DCUN1D3: variants seen among roughly 807,000 people sequenced by gnomAD.
DCUN1D3 encodes the protein defective in cullin neddylation 1 domain containing 3, also known as DCN1-like protein 3.
A neutral mutation model predicts 24.8 loss-of-function variants in DCUN1D3; 6 were observed. The ratio of observed to expected loss-of-function variants is 0.24; its 90% CI spans 0.13 to 0.48. The LOEUF is 0.48. DCUN1D3 is among the 20% of genes least tolerant of loss of function. DCUN1D3 has a pLI of 0.99. For synonymous variants in DCUN1D3, 120 were observed against 144.9 expected (o/e 0.83, Z 1.24); for missense variants, 258 against 379.4 (o/e 0.68, Z 2.66).
At chr16:20,868,814 G>T (rs1333752103) in intron 1 of DCUN1D3, 1 of 151,214 alleles carries the variant, frequency 6.6e-6, no homozygotes, top group Admixed American at 6.6e-5. Flanking sequence ...GCAGAAGAAA[G>T]AAGGAAAAAA....
chr16:20,898,955 AT>A (rs978208211), intron 1 of DCUN1D3, among the ~76,000 whole-genome samples: 20 of 152,246 alleles, frequency 1.3e-4, no homozygotes, highest in Admixed American at 1.2e-3. Context: ...GCTTCAAATA[AT>A]TTTTTCACAT....
chr16:20,877,469 C>T (rs1370256895), intron 1 of DCUN1D3, among the ~76,000 whole-genome samples: 1 of 152,208 alleles, frequency 6.6e-6, no homozygotes, highest in Admixed American at 6.5e-5. Flanking sequence ...TAATAGCAGG[C>T]ATTTTACCTG....
At position 20,889,064 on chromosome 16, in the gene DCUN1D3, C is replaced by T. The variant is rs558257182; in HGVS notation, c.-106+11140G>A. On this transcript the variant is annotated intron_variant, in intron 1 of 2. Coordinates refer to ENST00000324344, the MANE Select transcript of DCUN1D3 (RefSeq NM_173475.4). ...CCAATATAGTGAAACCCCATCTCTA[C>T]TAAAAACACAAAAATTAGCCGGGCG... is the stretch of plus-strand genomic sequence containing the variant. Among the ~76,000 whole-genome samples, 6 of 152,236 alleles carry T rather than the reference C, an allele frequency of 3.9e-5. No individual in the cohort carries two copies. The South Asian group carries it at 1.2e-3, about 32-fold the overall frequency.
chr16:20,876,966 G>T (rs2081819054), intron 1 of DCUN1D3, among the ~76,000 whole-genome samples: 1 of 152,088 alleles, frequency 6.6e-6, no homozygotes, highest in Non-Finnish European at 1.5e-5. Flanking sequence ...GGAGCGGGAG[G>T]GGAGATGAAA....
chr16:20,883,614 C>A (rs1477785938), intron 1 of DCUN1D3, among the ~76,000 whole-genome samples: 1 of 152,140 alleles, frequency 6.6e-6, no homozygotes, highest in Non-Finnish European at 1.5e-5. Flanking sequence ...ATCTTTAGAA[C>A]TTTCTGTTGA....
rs746642001 is a variant in DCUN1D3, at chr16:20,862,130, C to T, written c.409G>A (p.Ala137Thr). Reference sequence around the variant, plus strand: ...AACCTGGTGAATTTGCACATGGTTGCAGCCTGGAACTTCCAAGCCAAGAGC... The same window carrying T: ...AACCTGGTGAATTTGCACATGGTTGTAGCCTGGAACTTCCAAGCCAAGAGC... The part of the protein sequence containing the change: ...VLLLAWKFQA[A>T]TMCKFTRKEF... Residue 137 changes from alanine (A) to threonine (T), a missense_variant, in exon 2 of 3, where the codon GCA becomes ACA. Coordinates refer to ENST00000324344, the MANE Select transcript of DCUN1D3 (RefSeq NM_173475.4). 1.2e-6 allele frequency: 2 copies of T among 1,614,160 alleles called. No homozygotes were observed. Among genetic ancestry groups the T allele is most frequent in the African/African-American group, 2.7e-5 (2 of 75,048 alleles).
chr16:20,898,112 T>A (rs2081926408), intron 1 of DCUN1D3, among the ~76,000 whole-genome samples: 1 of 152,146 alleles, frequency 6.6e-6, no homozygotes. Context: ...TTCTTCCCAT[T>A]CCCTGGAACT....
In DCUN1D3 at chr16:20,895,390, C is replaced by T. The variant is rs571126883; in HGVS notation, c.-106+4814G>A. 7.9e-5 allele frequency among the ~76,000 whole-genome samples: 12 copies of T among 152,246 alleles called. No individual in the cohort carries two copies. In the South Asian group the frequency reaches 2.1e-3, roughly 26 times the overall value. On this transcript the variant is annotated intron_variant, in intron 1 of 2. Transcript: ENST00000324344. ...GCAGGTATTTGTAGTAGCCTCCTAA[C>T]GTGCTGGGATTACAGGAATGAGCCA...
chr16:20,888,801 C>A (rs1438430811), intron 1 of DCUN1D3, among the ~76,000 whole-genome samples: 1 of 152,180 alleles, frequency 6.6e-6, no homozygotes, highest in Non-Finnish European at 1.5e-5. Context: ...TAAAAAGTAA[C>A]ATGGGCCAGG....
In DCUN1D3 at chr16:20,862,333, G is replaced by A; in HGVS notation, c.206C>T (p.Pro69Leu). The change falls in exon 2 of 3, where the codon CCA becomes CTA. Residue 69 changes from proline to leucine, a missense_variant. By Grantham distance (98) the Pro-to-Leu change is moderately conservative (BLOSUM62 -3). Coordinates refer to ENST00000324344, the MANE Select transcript of DCUN1D3 (RefSeq NM_173475.4). Reference protein sequence around the residue: ...AEAATEACQLPTSSGDAGRES... With the variant: ...AEAATEACQLLTSSGDAGRES... The stretch of plus-strand genomic sequence containing the variant: ...CCTCCCAGCATCTCCCGAGGACGTT[G>A]GCAGCTGGCAGGCCTCAGTGGCAGC... The A allele has an allele frequency of 6.2e-7, 1 of 1,614,196 alleles. No individual in the cohort carries two copies. Among genetic ancestry groups the A allele is most frequent in the Non-Finnish European group, 8.5e-7 (1 of 1,180,036 alleles).
chr16:20,869,084 G>C (rs955063301), intron 1 of DCUN1D3: 12 of 152,686 alleles, frequency 7.9e-5, no homozygotes, highest in African/African-American at 2.9e-4. Flanking sequence ...CTGGCTGCCT[G>C]GTCCTAGGCC....
chr16:20,866,322 T>C (rs1285572465), intron 1 of DCUN1D3, among the ~76,000 whole-genome samples: 1 of 152,146 alleles, frequency 6.6e-6, no homozygotes, highest in Admixed American at 6.5e-5. Context: ...GCAACTCTAA[T>C]TCCCAGGCAC....
At chr16:20,867,333 G>A (rs1401958357) in intron 1 of DCUN1D3, among the ~76,000 whole-genome samples, 1 of 152,150 alleles carries the variant, frequency 6.6e-6, no homozygotes, top group Non-Finnish European at 1.5e-5. Context: ...AGCCACTGGA[G>A]AGAGAACACA....
rs368210288 is a variant in DCUN1D3 at position 20,885,942 on chromosome 16, C to A, written c.-106+14262G>T. On this transcript the variant is annotated intron_variant, in intron 1 of 2. Coordinates refer to ENST00000324344, the MANE Select transcript of DCUN1D3 (RefSeq NM_173475.4). ...TCCCACCCCAACAGAACAAGTCAGA[C>A]CCTAACTTTACTTCTAACATGGGGA... Among the ~76,000 whole-genome samples the A allele has an allele frequency of 9.1e-4, 138 of 152,118 alleles. 4 individuals carry two copies. In the South Asian group the frequency reaches 0.028, roughly 31 times the overall value.
chr16:20,883,483 A>G (rs1221945186), intron 1 of DCUN1D3, among the ~76,000 whole-genome samples: 1 of 152,174 alleles, frequency 6.6e-6, no homozygotes, highest in Non-Finnish European at 1.5e-5. Flanking sequence ...ACTGCACTCC[A>G]GCCTGGGTGA....
At chr16:20,866,744 G>C (rs2081764017) in intron 1 of DCUN1D3, among the ~76,000 whole-genome samples, 1 of 152,192 alleles carries the variant, frequency 6.6e-6, no homozygotes, top group South Asian at 2.1e-4. Context: ...CTCTTTCTTT[G>C]AAATGCCCCC....
chr16:20,893,026 G>T (rs1344238641), intron 1 of DCUN1D3, among the ~76,000 whole-genome samples: 1 of 152,150 alleles, frequency 6.6e-6, no homozygotes, highest in Non-Finnish European at 1.5e-5. Context: ...AAACACCAAG[G>T]ATTCAATTAA....
At chr16:20,868,118 A>G (rs1299362326) in intron 1 of DCUN1D3, among the ~76,000 whole-genome samples, 1 of 152,158 alleles carries the variant, frequency 6.6e-6, no homozygotes, top group Admixed American at 6.5e-5. Flanking sequence ...CTTTCCACTC[A>G]GTTACTAATT....
chr16:20,873,498 T>C (rs1035908108), intron 1 of DCUN1D3, among the ~76,000 whole-genome samples: 20 of 152,214 alleles, frequency 1.3e-4, no homozygotes, highest in African/African-American at 4.8e-4. Context: ...GTCAATGGGC[T>C]GGATTTAGTG....
Sources: gnomAD v4.1 joint callset for allele counts (sites outside exome capture counted in the v4.1 genomes callset) on GRCh38, gnomAD v4.1.1 for gene constraint, MANE v1.5 for transcripts, NCBI Gene and HGNC (gene_info 2026-07-23, HGNC 2026-07-21) for gene names.